MDGA2: variants seen among roughly 807,000 people sequenced by gnomAD.
MDGA2 encodes MAM domain-containing glycosylphosphatidylinositol anchor protein 2.
In MDGA2, 40 loss-of-function variants were observed where a neutral mutation model predicts 117.8. The observed-to-expected ratio is 0.34, with a 90% CI of 0.26 to 0.44. MDGA2 has a LOEUF of 0.44. Ranked by LOEUF, MDGA2 falls within the 20% of genes least tolerant of loss-of-function variation. MDGA2 has a pLI of 1.00. For synonymous variants in MDGA2, 452 were observed against 439.0 expected, an observed-to-expected ratio of 1.03 and a Z score of -0.37; for missense variants, 1,123 against 1,250.6, an observed-to-expected ratio of 0.90 and a Z score of 1.54.
intron 10 of MDGA2, among the ~76,000 whole-genome samples, chr14:46,917,576 T>TA (rs1321720048): frequency 3.3e-5 from 5 of 152,108 alleles, no homozygotes; most frequent in Admixed American, 6.5e-5. Context: ...TTCATTATTT[T>TA]AAAAAAACAT....
intron 1 of MDGA2, among the ~76,000 whole-genome samples, chr14:47,592,573 G>A (rs8006701): frequency 0.78 from 118,808 of 151,902 alleles, 46,780 homozygotes; most frequent in East Asian, 1. Flanking sequence ...GATCTCAGAA[G>A]TAAGACTATA....
At chr14:47,542,350 C>A (rs1279656190) in intron 1 of MDGA2, among the ~76,000 whole-genome samples, 1 of 152,146 alleles carries the variant, frequency 6.6e-6, no homozygotes, top group African/African-American at 2.4e-5. Context: ...CTCACAATAT[C>A]TTCTGTTATT....
chr14:46,881,778 A>C (rs1411257391), intron 11 of MDGA2, among the ~76,000 whole-genome samples: 1 of 152,158 alleles, frequency 6.6e-6, no homozygotes, highest in Non-Finnish European at 1.5e-5. Flanking sequence ...TATAACTTGT[A>C]GGATCAAAAA....
At chr14:47,031,211 AAT>A (rs71448159) in intron 8 of MDGA2, among the ~76,000 whole-genome samples, 374 of 136,112 alleles carry the variant, frequency 2.7e-3, no homozygotes, top group Middle Eastern at 0.012. Flanking sequence ...ATTATTTAGA[AAT>A]ATATATATAT....
chr14:47,231,387 G>C (rs1246514943), intron 2 of MDGA2, among the ~76,000 whole-genome samples: 6 of 152,032 alleles, frequency 3.9e-5, no homozygotes, highest in African/African-American at 1.4e-4. Flanking sequence ...ACATGAACAA[G>C]CTAGGATGGA....
At chr14:47,291,994 C>T (rs1295724471) in intron 2 of MDGA2, among the ~76,000 whole-genome samples, 1 of 152,164 alleles carries the variant, frequency 6.6e-6, no homozygotes, top group Non-Finnish European at 1.5e-5. Context: ...AATTAAAAAG[C>T]ATGCATTTGT....
intron 3 of MDGA2, among the ~76,000 whole-genome samples, chr14:47,213,938 C>G (rs1015903188): frequency 6.6e-5 from 10 of 152,098 alleles, no homozygotes; most frequent in Non-Finnish European, 1.2e-4. Context: ...GTCGGCCGTG[C>G]TGAGCACAGA....
chr14:47,412,987 T>C (rs1892403771), intron 1 of MDGA2, among the ~76,000 whole-genome samples: 1 of 152,236 alleles, frequency 6.6e-6, no homozygotes, highest in Non-Finnish European at 1.5e-5. Flanking sequence ...TATCAAAATC[T>C]CATCAAAATT....
At chr14:47,578,141 C>T (rs1287549801) in intron 1 of MDGA2, among the ~76,000 whole-genome samples, 2 of 152,164 alleles carry the variant, frequency 1.3e-5, no homozygotes, top group Middle Eastern at 3.4e-3. Flanking sequence ...AGCTGGGAGT[C>T]ATTATCCTCC....
At chr14:47,652,013 C>A (rs1013128678) in intron 1 of MDGA2, among the ~76,000 whole-genome samples, 1 of 152,018 alleles carries the variant, frequency 6.6e-6, no homozygotes, top group African/African-American at 2.4e-5. Flanking sequence ...AGAACAAAGA[C>A]CTGATATGAA....
At chr14:47,474,400 T>C (rs1893792824) in intron 1 of MDGA2, among the ~76,000 whole-genome samples, 1 of 152,014 alleles carries the variant, frequency 6.6e-6, no homozygotes, top group Non-Finnish European at 1.5e-5. Flanking sequence ...AAAATGGCCA[T>C]ATTTCCCAAA....
intron 1 of MDGA2, among the ~76,000 whole-genome samples, chr14:47,624,341 C>G (rs1246969637): frequency 6.6e-6 from 1 of 152,096 alleles, no homozygotes; most frequent in African/African-American, 2.4e-5. Flanking sequence ...ATCTGTAATC[C>G]CAGCTATTCA....
At chr14:47,076,684 C>G (rs563331825) in intron 6 of MDGA2, among the ~76,000 whole-genome samples, 2 of 151,930 alleles carry the variant, frequency 1.3e-5, no homozygotes, top group Non-Finnish European at 2.9e-5. Flanking sequence ...TGAAATCGTA[C>G]TATATGAACC....
intron 1 of MDGA2, among the ~76,000 whole-genome samples, chr14:47,351,158 C>G (rs936750339): frequency 4.0e-5 from 6 of 149,590 alleles, no homozygotes; most frequent in Non-Finnish European, 8.9e-5. Flanking sequence ...GTCTCACCCC[C>G]GCAACCTCTG....
intron 1 of MDGA2, among the ~76,000 whole-genome samples, chr14:47,672,642 TA>T: frequency 6.6e-6 from 1 of 151,966 alleles, no homozygotes; most frequent in Non-Finnish European, 1.5e-5. Context: ...CATACAAATT[TA>T]AAAAACAAAC....
intron 1 of MDGA2, among the ~76,000 whole-genome samples, chr14:47,416,531 G>A (rs1892479085): frequency 6.6e-6 from 1 of 152,078 alleles, no homozygotes; most frequent in Admixed American, 6.6e-5. Flanking sequence ...CTACCCTGCT[G>A]GTCCAGAGTC....
intron 3 of MDGA2, among the ~76,000 whole-genome samples, chr14:47,163,737 C>A (rs750088085): frequency 2.6e-5 from 4 of 152,210 alleles, no homozygotes; most frequent in Non-Finnish European, 5.9e-5. Flanking sequence ...GCCAACCTTG[C>A]ACTCAGACAC....
chr14:46,864,453 T>C (rs1303056041), intron 14 of MDGA2, among the ~76,000 whole-genome samples: 1 of 151,402 alleles, frequency 6.6e-6, no homozygotes, highest in Non-Finnish European at 1.5e-5. Flanking sequence ...TTTTATTGCT[T>C]TCTGTAAAAG....
At chr14:47,182,805 T>C (rs1566669844) in intron 3 of MDGA2, among the ~76,000 whole-genome samples, 1 of 152,294 alleles carries the variant, frequency 6.6e-6, no homozygotes, top group Admixed American at 6.5e-5. Flanking sequence ...GAAATTCATA[T>C]ACAAATCTGC....
Sources: allele counts gnomAD v4.1 joint callset (sites outside exome capture counted in the v4.1 genomes callset), GRCh38; gene constraint gnomAD v4.1.1; transcripts MANE v1.5; gene names NCBI Gene and HGNC (gene_info 2026-07-23, HGNC 2026-07-21).